The following ZIM2 variants were observed in gnomAD, a reference collection of about 807,000 sequenced individuals.
The protein encoded by ZIM2 is zinc finger protein 656.
ZIM2 carries 14 observed loss-of-function variants against 38.6 expected under a neutral mutation model. The ratio of observed to expected loss-of-function variants is 0.36; its 90% confidence interval spans 0.24 to 0.57. The LOEUF is 0.57. ZIM2 is among the 20% of genes least tolerant of loss of function. The pLI is 0.81. For missense variants in ZIM2, 680 were observed against 695.1 expected (o/e 0.98, Z 0.24); for synonymous variants, 247 against 245.8 (o/e 1.00, Z -0.04).
intron 9 of ZIM2, among the ~76,000 whole-genome samples, chr19:56,803,116 A>G (rs974047381): frequency 5.3e-5 from 8 of 152,172 alleles, no homozygotes; most frequent in African/African-American, 1.4e-4. Context: ...ACTCCCCACC[A>G]TACCCAGACC....
intron 9 of ZIM2, chr19:56,810,740 T>TA (rs1200136069): frequency 2.0e-6 from 2 of 984,324 alleles, no homozygotes; most frequent in African/African-American, 3.5e-5. Flanking sequence ...TTAACACTGT[T>TA]ATCACAAGCG....
chr19:56,781,834 G>A, intron 11 of ZIM2, 119 bp downstream of exon 11: 1 of 1,284,908 alleles, frequency 7.8e-7, no homozygotes, highest in Non-Finnish European at 1.1e-6. Flanking sequence ...TATTGCCTCT[G>A]ACCTGGGTTG....
rs118154112 is a variant in ZIM2 at position 56,790,682 on chromosome 19, G to A, written c.491-731C>T. On this transcript the variant is annotated intron_variant, in intron 9 of 12. Transcript: ENST00000629319. Reference sequence around the variant, plus strand: ...CATTTTATAACTAGTTGTTAATATCGTACTGTGCCTAATTAATAAACTTCG... The same window carrying A: ...CATTTTATAACTAGTTGTTAATATCATACTGTGCCTAATTAATAAACTTCG... Among the ~76,000 whole-genome samples the A allele has an allele frequency of 6.0e-3, 908 of 152,186 alleles. 26 individuals carry two copies. The highest frequency in any genetic ancestry group is 0.049 in the Admixed American group (747 of 15,294).
At chr19:56,783,192 A>T (rs184678705) in intron 10 of ZIM2, among the ~76,000 whole-genome samples, 1 of 152,368 alleles carries the variant, frequency 6.6e-6, no homozygotes, top group East Asian at 1.9e-4. Context: ...ACAGTAGAAG[A>T]GATAAATATA....
intron 12 of ZIM2, 113 bp downstream of exon 12, chr19:56,779,264 G>A (rs2046194501): frequency 4.0e-6 from 4 of 990,962 alleles, no homozygotes; most frequent in Admixed American, 2.0e-5. Context: ...GAGTACTGAG[G>A]AGAAAGGGCA....
chr19:56,785,436 A>AT (rs139990940), intron 10 of ZIM2, among the ~76,000 whole-genome samples: 2,704 of 151,974 alleles, frequency 0.018, 90 homozygotes, highest in African/African-American at 0.062. Flanking sequence ...ACCCCCATGA[A>AT]TTTTTTTCTG....
intron 2 of ZIM2, among the ~76,000 whole-genome samples, chr19:56,830,062 G>A (rs563501861): frequency 2.4e-4 from 36 of 152,304 alleles, no homozygotes; most frequent in Admixed American, 5.9e-4. Context: ...CAATAAAAAC[G>A]TAGCTTATTA....
intron 9 of ZIM2, chr19:56,812,945 A>G: frequency 1.1e-5 from 11 of 985,822 alleles, no homozygotes; most frequent in Non-Finnish European, 1.3e-5. Flanking sequence ...GTAAAGCCTT[A>G]CACAGTATTA....
intron 1 of ZIM2, among the ~76,000 whole-genome samples, chr19:56,837,117 T>C (rs2062225982): frequency 6.6e-6 from 1 of 152,054 alleles, no homozygotes; most frequent in African/African-American, 2.4e-5. Context: ...AAGTGAGCTC[T>C]AGGACTCCGT....
At chr19:56,818,943 A>T (rs1022680978) in intron 7 of ZIM2, among the ~76,000 whole-genome samples, 1 of 152,210 alleles carries the variant, frequency 6.6e-6, no homozygotes, top group Non-Finnish European at 1.5e-5. Context: ...CATGCAGCTT[A>T]TAATTTGGTT....
chr19:56,795,585 G>A (rs1403210734), intron 9 of ZIM2, among the ~76,000 whole-genome samples: 1 of 152,226 alleles, frequency 6.6e-6, no homozygotes, highest in Non-Finnish European at 1.5e-5. Context: ...AGGAACCACA[G>A]CCGCTCCTGG....
chr19:56,791,398 CAA>C (rs536669552), intron 9 of ZIM2: 4 of 152,164 alleles, frequency 2.6e-5, no homozygotes, highest in Non-Finnish European at 5.9e-5. Context: ...TCTAAGTGCT[CAA>C]GTGTTCACTA....
At position 56,839,720 on chromosome 19, in the gene ZIM2, C is replaced by T. The variant is rs142741106; in HGVS notation, c.-314+862G>A. ...AACAGACCATTACATCCAATGCAAC[C>T]CACAGTCATTCAGCTTTGCCTCGCC... On this transcript the variant is annotated intron_variant, in intron 1 of 12. Transcript: ENST00000629319. Among the ~76,000 whole-genome samples the T allele has an allele frequency of 3.9e-3, 590 of 152,312 alleles. 2 individuals carry two copies. The highest frequency in any genetic ancestry group is 7.2e-3 in the Non-Finnish European group (487 of 68,034).
chr19:56,812,928 GTA>G, intron 9 of ZIM2: 1 of 985,524 alleles, frequency 1.0e-6, no homozygotes, highest in Non-Finnish European at 1.2e-6. Context: ...AAGCCAATCC[GTA>G]TATTGTAAAG....
chr19:56,799,405 A>G (rs928150777), intron 9 of ZIM2: 1 of 152,190 alleles, frequency 6.6e-6, no homozygotes, highest in Non-Finnish European at 1.5e-5. Context: ...TGATGAGAAC[A>G]CATGGACACA....
chr19:56,778,127 ATTAT>A (rs1475132660), intron 12 of ZIM2, among the ~76,000 whole-genome samples: 1 of 152,122 alleles, frequency 6.6e-6, no homozygotes, highest in African/African-American at 2.4e-5. Context: ...ACGCTCCGTT[ATTAT>A]TTGTCTATTT....
At chr19:56,833,975 G>C (rs1047472375) in intron 2 of ZIM2, among the ~76,000 whole-genome samples, 4 of 152,102 alleles carry the variant, frequency 2.6e-5, no homozygotes, top group Non-Finnish European at 4.4e-5. Flanking sequence ...TCTCCTTGTT[G>C]TTGTCCATCC....
chr19:56,775,356 G>C lies in ZIM2; in HGVS notation c.1009C>G (p.Pro337Ala), dbSNP rs1399013663. ...KQSKDPLGKDPQEGTAPGICT... is the reference protein window; with the variant it reads ...KQSKDPLGKDAQEGTAPGICT... ...ATTCCAGGAGCAGTGCCTTCCTGGG[G>C]ATCCTTTCCTAGAGGATCCTTTGAT... The change falls in exon 13 of 13, where the codon CCC (proline) becomes GCC (alanine). Residue 337 changes from proline (P) to alanine (A), a missense_variant. Pro to Ala is a conservative substitution (Grantham distance 27). Transcript: ENST00000629319. 1 of 1,614,080 alleles carries C rather than the reference G, an allele frequency of 6.2e-7. No homozygotes were observed. Among genetic ancestry groups the C allele is most frequent in the Non-Finnish European group, 8.5e-7 (1 of 1,180,046 alleles).
chr19:56,807,718 G>A (rs552554386), intron 9 of ZIM2, among the ~76,000 whole-genome samples: 1 of 152,094 alleles, frequency 6.6e-6, no homozygotes, highest in Admixed American at 6.5e-5. Flanking sequence ...TCGAGCCCAG[G>A]AGGTTGAGGC....
Sources: gnomAD v4.1 joint callset for allele counts (sites outside exome capture counted in the v4.1 genomes callset) on GRCh38, gnomAD v4.1.1 for gene constraint, MANE v1.5 for transcripts, NCBI Gene and HGNC (gene_info 2026-07-23, HGNC 2026-07-21) for gene names.